The following PSMD3 variants were observed in gnomAD, a reference collection of about 807,000 sequenced individuals.
PSMD3 encodes the protein 26S proteasome non-ATPase regulatory subunit 3.
Under a neutral mutation model 62.8 loss-of-function variants are expected in PSMD3, and 5 were observed. The observed-to-expected ratio is 0.08, with a 90% confidence interval of 0.04 to 0.17. The LOEUF is 0.17. PSMD3 is among the 10% of genes least tolerant of loss of function. PSMD3 has a pLI of 1.00. For synonymous variants in PSMD3, 265 were observed against 283.9 expected (o/e 0.93, Z 0.67); for missense variants, 524 against 713.6 (o/e 0.73, Z 3.03).
At chr17:39,986,932 C>T (rs775048207) in intron 3 of PSMD3, among the ~76,000 whole-genome samples, 1 of 152,118 alleles carries the variant, frequency 6.6e-6, no homozygotes, top group Non-Finnish European at 1.5e-5. Flanking sequence ...CATGCTGTAC[C>T]GGTCTGTGGG....
chr17:39,981,421 G>A (rs1042986695), intron 1 of PSMD3, among the ~76,000 whole-genome samples: 2 of 152,176 alleles, frequency 1.3e-5, no homozygotes, highest in Non-Finnish European at 2.9e-5. Flanking sequence ...CATATCTGGG[G>A]TTGCATCTAT....
At chr17:39,985,746 C>T (rs1598312019) in intron 2 of PSMD3, among the ~76,000 whole-genome samples, 2 of 152,206 alleles carry the variant, frequency 1.3e-5, no homozygotes, top group Admixed American at 6.5e-5. Flanking sequence ...ACTCACGAAA[C>T]GTGATTATTT....
At chr17:39,981,290 C>G in intron 1 of PSMD3, 100 bp downstream of exon 1, 1 of 1,516,544 alleles carries the variant, frequency 6.6e-7, no homozygotes, top group Non-Finnish European at 8.8e-7. Flanking sequence ...CCACCACCCT[C>G]AGTTCTTTGG....
At chr17:39,994,843 G>GT (rs1236583963) in intron 6 of PSMD3, 111 bp from the exon 7 acceptor site, 1 of 898,862 alleles carries the variant, frequency 1.1e-6, no homozygotes, top group African/African-American at 1.6e-5. Context: ...CCTAAACAGT[G>GT]ATCCCTTTCC....
rs749507799 is a variant in PSMD3 at position 39,986,662 on chromosome 17, C to A, written c.499C>A (p.Leu167Ile). 1.2e-6 allele frequency: 2 copies of A among 1,614,038 alleles called. No homozygotes were observed. Among genetic ancestry groups the A allele is most frequent in the African/African-American group, 1.3e-5 (1 of 74,912 alleles). Reference protein sequence around the residue: ...TPLLPEVEAYLQLLVVIFMMN... With the variant: ...TPLLPEVEAYIQLLVVIFMMN... ...CCTCCTGCCTGAAGTGGAAGCCTAT[C>A]TCCAACTCCTCGTGGTCATCTTCAT... The change falls in exon 3 of 12, where the codon CTC (leucine) becomes ATC (isoleucine). Residue 167 changes from leucine (L) to isoleucine (I), a missense_variant. Around this residue, in one of 4 missense-constraint regions of PSMD3, gnomAD observed 396 missense variants for 475.8 expected, o/e 0.83. Coordinates refer to ENST00000264639, the MANE Select transcript of PSMD3 (RefSeq NM_002809.4).
chr17:39,982,517 T>C (rs546973810), intron 1 of PSMD3, among the ~76,000 whole-genome samples: 1 of 152,366 alleles, frequency 6.6e-6, no homozygotes, highest in Admixed American at 6.5e-5. Flanking sequence ...TTCGTAAACA[T>C]AATCAGCATT....
At position 39,996,389 on chromosome 17, in the gene PSMD3, C is replaced by T. The variant is rs1401537615; in HGVS notation, c.1476+51C>T. The T allele has an allele frequency of 1.3e-6, 2 of 1,585,586 alleles. No individual in the cohort carries two copies. Among genetic ancestry groups the T allele is most frequent in the East Asian group, 2.2e-5 (1 of 44,634 alleles). On this transcript the variant is annotated intron_variant, in intron 10 of 11. Coordinates refer to ENST00000264639, the MANE Select transcript of PSMD3 (RefSeq NM_002809.4). The surrounding 1 kb of genome is among the most constrained non-coding windows in gnomAD (Gnocchi z 5.1). ...ACGCCTGGCAGCAGCACACCCCTCCCTCCACACTCATGGATTCCTCAGAGA... is the reference window on the plus strand; with the variant it reads ...ACGCCTGGCAGCAGCACACCCCTCCTTCCACACTCATGGATTCCTCAGAGA...
In PSMD3 at chr17:39,995,302, A is replaced by G. The variant is rs1231897004; in HGVS notation, c.1216+7A>G. On this transcript the variant is annotated splice_region_variant and intron_variant, in intron 8 of 11. Coordinates refer to ENST00000264639, the MANE Select transcript of PSMD3 (RefSeq NM_002809.4). This position sits in a 1 kb window ranked among gnomAD's most constrained non-coding sequence, Gnocchi z 4.1. The stretch of plus-strand genomic sequence containing the variant: ...CACAACGTGATTAAGACAGGTGTGG[A>G]TCAGGATCTGAGGGGCTGTTGGAGG... 2 of 1,614,134 alleles carry G rather than the reference A, an allele frequency of 1.2e-6. No homozygotes were observed. The highest frequency in any genetic ancestry group is 2.7e-5 in the African/African-American group (2 of 75,032).
intron 1 of PSMD3, among the ~76,000 whole-genome samples, chr17:39,983,927 C>G (rs947657916): frequency 1.3e-5 from 2 of 151,758 alleles, no homozygotes; most frequent in East Asian, 3.9e-4. Flanking sequence ...CTGGCCGGCA[C>G]GGTGGCTCAC....
At chr17:39,990,415 G>T (rs1045783075) in intron 6 of PSMD3, among the ~76,000 whole-genome samples, 1 of 151,408 alleles carries the variant, frequency 6.6e-6, no homozygotes, top group Admixed American at 6.6e-5. Context: ...CTATGCTAGG[G>T]GCTAGGAAAG....
At chr17:39,991,769 A>G (rs1370694013) in intron 6 of PSMD3, among the ~76,000 whole-genome samples, 2 of 152,178 alleles carry the variant, frequency 1.3e-5, no homozygotes, top group Non-Finnish European at 2.9e-5. Flanking sequence ...GGCTAGGTAC[A>G]GGGCTCACAC....
In PSMD3 at chr17:39,995,223, T is replaced by G; in HGVS notation, c.1144T>G (p.Phe382Val). The change falls in exon 8 of 12, where the codon TTT becomes GTT. Residue 382 changes from phenylalanine to valine, a missense_variant. Phe to Val is a conservative substitution (Grantham distance 50). Around this residue, in one of 4 missense-constraint regions of PSMD3, gnomAD observed 32 missense variants for 85.4 expected, o/e 0.37. Transcript: ENST00000264639. The surrounding 1 kb of genome is among the most constrained non-coding windows in gnomAD (Gnocchi z 4.1). ...LAKFNQVLDQ[F>V]GEKFQADGTY... Reference sequence around the variant, plus strand: ...CAAGTTCAACCAGGTCCTGGATCAGTTTGGGGAGAAGTTTCAAGCAGATGG... The same window carrying G: ...CAAGTTCAACCAGGTCCTGGATCAGGTTGGGGAGAAGTTTCAAGCAGATGG... 6.2e-7 allele frequency: 1 copy of G among 1,613,858 alleles called. No individual in the cohort carries two copies. Among genetic ancestry groups the G allele is most frequent in the Non-Finnish European group, 8.5e-7 (1 of 1,179,982 alleles).
rs1026396262 is a variant in PSMD3 at position 39,989,612 on chromosome 17, T to C, written c.687-127T>C. 22 of 902,082 alleles carry C rather than the reference T, an allele frequency of 2.4e-5. No homozygotes were observed. In the African/African-American group the frequency reaches 3.0e-4, roughly 12 times the overall value. The allele number at this position is 902,082 out of a possible 1,614,324, so 55.9% of individuals were successfully genotyped here. A position where few individuals can be genotyped will look rare whatever the true frequency, so the allele number is the denominator to read the frequency against. On this transcript the variant is annotated intron_variant, in intron 4 of 11. Transcript: ENST00000264639. ...ACCTTAGGCACTCGATAGTTAACAGTATTCAGCAAATAACCAGAAAAGCAA... is the reference window on the plus strand; with the variant it reads ...ACCTTAGGCACTCGATAGTTAACAGCATTCAGCAAATAACCAGAAAAGCAA...
chr17:39,997,187 G>A (rs758716863), intron 10 of PSMD3, 143 bp from the exon 11 acceptor site: 3 of 723,622 alleles, frequency 4.1e-6, no homozygotes, highest in Non-Finnish European at 7.3e-6. Flanking sequence ...TTGATGCCTA[G>A]CCCCCCACTA....
At chr17:39,988,658 G>A in intron 3 of PSMD3, 25 bp from the exon 4 acceptor site, 1 of 1,612,680 alleles carries the variant, frequency 6.2e-7, no homozygotes, top group Non-Finnish European at 8.5e-7. Context: ...ACTGCCACTT[G>A]ATTCTCTTTT....
Position 39,997,597 on chromosome 17 carries a change from A to C in PSMD3, c.*16A>C. ...CTTCCCTTGAGCTGGGGGGCTGGGG[A>C]GGGGTAGGGGGAATGGGGACAGGCT... is the stretch of plus-strand genomic sequence containing the variant. On this transcript the variant is annotated 3_prime_UTR_variant, in exon 12 of 12. Transcript: ENST00000264639. 1.1e-4 allele frequency: 91 copies of C among 821,578 alleles called. No homozygotes were observed. The highest frequency in any genetic ancestry group is 1.6e-4 in the Non-Finnish European group (83 of 509,032). The allele number at this position is 821,578 out of a possible 1,614,324, so 50.9% of individuals were successfully genotyped here. A position where few individuals can be genotyped will look rare whatever the true frequency, so the allele number is the denominator to read the frequency against.
chr17:39,994,865 T>C, intron 6 of PSMD3, 89 bp from the exon 7 acceptor site: 1 of 1,145,904 alleles, frequency 8.7e-7, no homozygotes, highest in Non-Finnish European at 1.3e-6. Flanking sequence ...TGTTTCCCAC[T>C]ACATCTGGCA....
intron 1 of PSMD3, 56 bp downstream of exon 1, chr17:39,981,246 GAT>G: frequency 6.5e-7 from 1 of 1,545,248 alleles, no homozygotes; most frequent in South Asian, 1.2e-5. Context: ...CGACCCCTGT[GAT>G]TTGGCTTCTT....
chr17:39,990,384 C>G (rs1488945667), intron 6 of PSMD3, among the ~76,000 whole-genome samples, 187 bp downstream of exon 6: 2 of 152,034 alleles, frequency 1.3e-5, no homozygotes, highest in African/African-American at 4.8e-5. Context: ...TACTCATTCC[C>G]TACCACTTCA....
Sources: gnomAD v4.1 joint callset for allele counts (sites outside exome capture counted in the v4.1 genomes callset) on GRCh38, gnomAD v4.1.1 for gene constraint, gnomAD v4.1.1 regional missense constraint, Gnocchi (gnomAD v3.1) non-coding constraint, MANE v1.5 for transcripts, NCBI Gene and HGNC (gene_info 2026-07-23, HGNC 2026-07-21) for gene names.